The following SCLY variants were observed in gnomAD, a reference collection of about 807,000 sequenced individuals.
SCLY encodes putative selenocysteine lyase.
A neutral mutation model predicts 50.1 loss-of-function variants in SCLY; 38 were observed. That is an observed-to-expected ratio of 0.76 (90% CI 0.59 to 0.99). The LOEUF (loss-of-function observed/expected upper bound fraction) is 0.99, where lower values mean the gene tolerates loss of function less well. SCLY is among the 50% of genes least tolerant of loss of function. The probability of loss-of-function intolerance (pLI) is 0.00; values close to 1 mark genes in which losing one functional copy is unlikely to be tolerated. For synonymous variants in SCLY, 243 were observed against 249.4 expected (o/e 0.97, Z 0.24); for missense variants, 600 against 620.0 (o/e 0.97, Z 0.34).
chr2:238,071,269 C>A (rs1318412002), intron 4 of SCLY, among the ~76,000 whole-genome samples: 1 of 152,120 alleles, frequency 6.6e-6, no homozygotes, highest in African/African-American at 2.4e-5. Context: ...AATGTATAGA[C>A]ATGCATGTGA....
intron 11 of SCLY, among the ~76,000 whole-genome samples, chr2:238,097,148 GGGGCTGGGGAGGGCTGGGGC>G (rs1422662961): frequency 2.7e-5 from 4 of 150,768 alleles, no homozygotes; most frequent in South Asian, 2.1e-4. Flanking sequence ...CAGCGTGGCC[GGGGCTGGGGAGGGCTGGGGC>G]GGGCTGGGGT....
intron 4 of SCLY, 129 bp from the exon 5 acceptor site, chr2:238,081,580 T>C (rs1227047338): frequency 1.5e-6 from 2 of 1,320,660 alleles, no homozygotes; most frequent in African/African-American, 2.9e-5. Context: ...ATATTCTTCT[T>C]TATAGTCTTC....
Position 238,061,110 on chromosome 2 carries a change from C to A in SCLY, c.56C>A (p.Pro19His). The change falls in exon 1 of 12, where the codon CCC (proline) becomes CAC (histidine). Residue 19 changes from proline to histidine, a missense_variant. Coordinates refer to ENST00000254663, the MANE Select transcript of SCLY (RefSeq NM_016510.7). ...GCGCCGGCACCCGCGGCGAGTCAGCCCAGCGGCTGCGGGAAACACAACTCG... is the reference window on the plus strand; with the variant it reads ...GCGCCGGCACCCGCGGCGAGTCAGCACAGCGGCTGCGGGAAACACAACTCG... ...RDAPAPAASQPSGCGKHNSPE... is the reference protein window; with the variant it reads ...RDAPAPAASQHSGCGKHNSPE... 1 of 1,443,920 alleles carries A rather than the reference C, an allele frequency of 6.9e-7. No homozygotes were observed. Among genetic ancestry groups the A allele is most frequent in the South Asian group, 1.4e-5 (1 of 71,678 alleles). The allele number at this position is 1,443,920 out of a possible 1,614,324, so 89.4% of individuals were successfully genotyped here.
chr2:238,094,052 C>T (rs1451271076), intron 9 of SCLY, 108 bp downstream of exon 9: 9 of 982,868 alleles, frequency 9.2e-6, no homozygotes, highest in African/African-American at 6.5e-5. Flanking sequence ...GGGATTGCAG[C>T]GTAGCCTGGA....
intron 8 of SCLY, chr2:238,091,549 C>CGA: frequency 2.1e-5 from 7 of 339,058 alleles, no homozygotes; most frequent in Admixed American, 8.9e-5. Context: ...TGCAGGTTCA[C>CGA]CATTCCCAAA....
intron 2 of SCLY, chr2:238,064,717 G>A (rs1411723954): frequency 1.1e-5 from 3 of 278,276 alleles, no homozygotes; most frequent in Non-Finnish European, 1.4e-5. Context: ...CCCTTTCCCA[G>A]ATGAGAAAGG....
chr2:238,074,104 C>T (rs969807114), intron 4 of SCLY, among the ~76,000 whole-genome samples: 22 of 151,884 alleles, frequency 1.4e-4, no homozygotes, highest in Non-Finnish European at 2.4e-4. Context: ...GTCAGGAGTT[C>T]GAGACCAGCT....
intron 6 of SCLY, chr2:238,082,950 A>G (rs965827327): frequency 5.7e-6 from 2 of 348,052 alleles, no homozygotes; most frequent in Non-Finnish European, 1.2e-5. Flanking sequence ...TGTGATTCAT[A>G]TGATTTGAGA....
chr2:238,080,565 C>T (rs748041271), intron 4 of SCLY: 2 of 152,386 alleles, frequency 1.3e-5, no homozygotes, highest in African/African-American at 2.4e-5. Flanking sequence ...CAACTTTTCT[C>T]GTGACTTCCC....
At position 238,099,303 on chromosome 2, in the gene SCLY, A is replaced by C. The variant is rs543573435; in HGVS notation, c.*948A>C. The C allele has an allele frequency of 3.6e-5, 17 of 471,770 alleles. 1 individual carries two copies. Among genetic ancestry groups the C allele is most frequent in the South Asian group, 2.6e-4 (17 of 64,564 alleles). 29.2% of individuals were successfully genotyped at this position (471,770 alleles called of 1,614,324 possible). The stretch of plus-strand genomic sequence containing the variant: ...CGATATTTGCATAGGAGTCATTTTC[A>C]GTGGAATAACATTTTTAATGTGTGG... On this transcript the variant is annotated 3_prime_UTR_variant, in exon 12 of 12. Transcript: ENST00000254663.
At chr2:238,097,524 C>T (rs971398238) in intron 11 of SCLY, among the ~76,000 whole-genome samples, 1 of 152,030 alleles carries the variant, frequency 6.6e-6, no homozygotes, top group Admixed American at 6.5e-5. Context: ...CAGCACGTGG[C>T]CATCAAGGTC....
chr2:238,077,953 C>CT (rs368187450), intron 4 of SCLY, among the ~76,000 whole-genome samples: 62,203 of 138,006 alleles, frequency 0.45, 13,794 homozygotes, highest in Admixed American at 0.49. Context: ...TGTAGATTCT[C>CT]TTTTTTTTTT....
In SCLY at chr2:238,083,132, C is replaced by A; in HGVS notation, c.778-116C>A. ...GGCACTCAGAGGCGCCACAAGGAAG[C>A]AGCAGGACTATGCATTGCAGAGCAT... On this transcript the variant is annotated intron_variant, in intron 6 of 11. Coordinates refer to ENST00000254663, the MANE Select transcript of SCLY (RefSeq NM_016510.7). This position sits in a 1 kb window ranked among gnomAD's most constrained non-coding sequence, Gnocchi z 4.3. The A allele has an allele frequency of 2.5e-6, 2 of 804,924 alleles. No individual in the cohort carries two copies. Among genetic ancestry groups the A allele is most frequent in the East Asian group, 2.5e-5 (1 of 40,012 alleles). The allele number at this position is 804,924 out of a possible 1,614,324, so 49.9% of individuals were successfully genotyped here.
intron 7 of SCLY, among the ~76,000 whole-genome samples, chr2:238,090,244 A>C (rs34522626): frequency 0.21 from 31,787 of 152,224 alleles, 3,502 homozygotes; most frequent in South Asian, 0.34. Flanking sequence ...AGAATGGCTA[A>C]AATAAGAATA....
intron 9 of SCLY, chr2:238,094,153 A>C (rs1389359853): frequency 3.2e-6 from 2 of 619,092 alleles, no homozygotes; most frequent in Admixed American, 5.8e-5. Context: ...GGCCAGGGGC[A>C]TGATCTTTTT....
intron 7 of SCLY, among the ~76,000 whole-genome samples, chr2:238,086,214 T>C (rs1181951107): frequency 6.6e-6 from 1 of 152,210 alleles, no homozygotes; most frequent in East Asian, 1.9e-4. Flanking sequence ...GAAGAAAAAC[T>C]AAGAATTTAT....
intron 8 of SCLY, chr2:238,091,554 CCCAAAG>C: frequency 3.1e-4 from 109 of 349,330 alleles, no homozygotes; most frequent in Middle Eastern, 8.6e-4. Flanking sequence ...GTTCACCATT[CCCAAAG>C]GCGTCGGCAG....
Position 238,081,814 on chromosome 2 carries a change from A to C in SCLY, c.590A>C (p.Asn197Thr). ...TTRLVTIMLANNETGIVMPVP... is the reference protein window; with the variant it reads ...TTRLVTIMLATNETGIVMPVP... ...CGCCTCGTGACCATCATGCTGGCCA[A>C]CAATGAGACTGGCATTGTCATGGTG... The change falls in exon 5 of 12, where the codon AAC becomes ACC. Residue 197 changes from asparagine to threonine, a missense_variant. Asn to Thr is a moderately conservative substitution (Grantham distance 65). Transcript: ENST00000254663. The C allele has an allele frequency of 3.1e-6, 5 of 1,614,082 alleles. No homozygotes were observed. Among genetic ancestry groups the C allele is most frequent in the Non-Finnish European group, 4.2e-6 (5 of 1,180,016 alleles).
rs1424265011 is a variant in SCLY, at chr2:238,061,908, T to C, written c.89+765T>C. Among the ~76,000 whole-genome samples, 33 of 152,168 alleles carry C rather than the reference T, an allele frequency of 2.2e-4. 1 individual carries two copies. The highest frequency in any genetic ancestry group is 1.5e-5 in the Non-Finnish European group (1 of 68,024). ...TGTGTGTCTTCTTTCCAGACCCCTCTTTTTCCTTTTTGTGAGCTCATTCGC... is the reference window on the plus strand; with the variant it reads ...TGTGTGTCTTCTTTCCAGACCCCTCCTTTTCCTTTTTGTGAGCTCATTCGC... On this transcript the variant is annotated intron_variant, in intron 1 of 11. Coordinates refer to ENST00000254663, the MANE Select transcript of SCLY (RefSeq NM_016510.7).
Sources: allele counts gnomAD v4.1 joint callset (sites outside exome capture counted in the v4.1 genomes callset), GRCh38; gene constraint gnomAD v4.1.1; non-coding constraint Gnocchi (gnomAD v3.1); transcripts MANE v1.5; gene names NCBI Gene and HGNC (gene_info 2026-07-23, HGNC 2026-07-21).